Variants in ZNF106 observed in about 807,000 individuals in gnomAD.
ZNF106 encodes SH3-domain binding protein 3.
In ZNF106, 67 loss-of-function variants were observed where a neutral mutation model predicts 195.1. The observed-to-expected ratio is 0.34, with a 90% CI of 0.28 to 0.42. The LOEUF (loss-of-function observed/expected upper bound fraction) is 0.42. ZNF106 is among the 10% of genes least tolerant of loss of function. The pLI is 1.00. For synonymous variants in ZNF106, 784 were observed against 818.6 expected (o/e 0.96, Z 0.72); for missense variants, 2,118 against 2,304.5 (o/e 0.92, Z 1.66).
At chr15:42,437,801 G>A (rs2141310444) in intron 12 of ZNF106, among the ~76,000 whole-genome samples, 1 of 151,758 alleles carries the variant, frequency 6.6e-6, no homozygotes, top group East Asian at 1.9e-4. Flanking sequence ...CAGTTATTTG[G>A]GGAGGCTGAG....
At chr15:42,421,032 C>T (rs1458702235) in intron 20 of ZNF106, 29 bp downstream of exon 20, 1 of 1,608,756 alleles carries the variant, frequency 6.2e-7, no homozygotes, top group Non-Finnish European at 8.5e-7. Flanking sequence ...CTATAGAAGT[C>T]CAGTGACAGG....
At chr15:42,447,965 G>C in intron 6 of ZNF106, 107 bp downstream of exon 6, 1 of 1,284,608 alleles carries the variant, frequency 7.8e-7, no homozygotes, top group Non-Finnish European at 1.1e-6. Flanking sequence ...TAGAAGTTGA[G>C]AGAATCACAA....
chr15:42,463,946 A>T (rs1230264356), intron 3 of ZNF106, among the ~76,000 whole-genome samples: 1 of 152,256 alleles, frequency 6.6e-6, no homozygotes, highest in Non-Finnish European at 1.5e-5. Context: ...GGCTAAAGAG[A>T]TGCTGAAAGT....
intron 18 of ZNF106, 118 bp from the exon 19 acceptor site, chr15:42,422,106 C>T (rs367648372): frequency 2.1e-5 from 15 of 707,332 alleles, no homozygotes; most frequent in South Asian, 3.0e-5. Context: ...GTGGAAGCAC[C>T]AGTAGCATTC....
At chr15:42,424,548 C>T (rs1329342996) in intron 16 of ZNF106, 17 of 359,232 alleles carry the variant, frequency 4.7e-5, no homozygotes, top group Non-Finnish European at 8.7e-5. Flanking sequence ...TACAGTGGCA[C>T]AATCATGGCT....
At chr15:42,433,688 G>T (rs1261045365) in intron 14 of ZNF106, among the ~76,000 whole-genome samples, 1 of 151,064 alleles carries the variant, frequency 6.6e-6, no homozygotes, top group Non-Finnish European at 1.5e-5. Flanking sequence ...TCACCAGGTT[G>T]GCCAGGCTGG....
At chr15:42,468,295 C>T (rs1048209285) in intron 2 of ZNF106, among the ~76,000 whole-genome samples, 1 of 150,902 alleles carries the variant, frequency 6.6e-6, no homozygotes, top group Non-Finnish European at 1.5e-5. Context: ...CCAGGCTGGT[C>T]TCAAACTCCT....
chr15:42,490,385 G>A (rs1020998004), intron 1 of ZNF106: 2 of 152,114 alleles, frequency 1.3e-5, no homozygotes, highest in Admixed American at 6.5e-5. Flanking sequence ...TTCTCAATAA[G>A]ATGCCTTAAT....
chr15:42,422,447 C>A, intron 18 of ZNF106, 54 bp downstream of exon 18: 1 of 1,587,988 alleles, frequency 6.3e-7, no homozygotes, highest in Non-Finnish European at 8.6e-7. Flanking sequence ...ACACTAAACC[C>A]AAATAGACAA....
At chr15:42,480,887 A>C (rs1337682449) in intron 1 of ZNF106, among the ~76,000 whole-genome samples, 2 of 152,182 alleles carry the variant, frequency 1.3e-5, no homozygotes, top group Non-Finnish European at 2.9e-5. Flanking sequence ...TGGGAGGCTA[A>C]GGCAGGAGAA....
In ZNF106 at chr15:42,449,874, T is replaced by A. The variant is rs747362173; in HGVS notation, c.2398A>T (p.Thr800Ser). The A allele has an allele frequency of 6.2e-7, 1 of 1,614,164 alleles. No homozygotes were observed. The highest frequency in any genetic ancestry group is 8.5e-7 in the Non-Finnish European group (1 of 1,180,014). ...ETEKESGLKP[T>S]LRQILNASRR... ...GATGCATTTAGAATCTGCCGTAGGG[T>A]TGGCTTGAGCCCAGACTCCTTCTCT... is the stretch of plus-strand genomic sequence containing the variant. Residue 800 changes from threonine (T) to serine (S), a missense_variant, in exon 5 of 22, where the codon ACC (threonine) becomes TCC (serine). Transcript: ENST00000564754.
At chr15:42,490,303 T>C (rs1567038128) in intron 1 of ZNF106, 1 of 152,076 alleles carries the variant, frequency 6.6e-6, no homozygotes, top group Non-Finnish European at 1.5e-5. Context: ...CAGCACTTAT[T>C]TGCTAGGTAA....
chr15:42,412,950 G>A lies in ZNF106; in HGVS notation c.*4354C>T, dbSNP rs933874784. 6.6e-6 allele frequency: 1 copy of A among 152,126 alleles called. No homozygotes were observed. Among genetic ancestry groups the A allele is most frequent in the African/African-American group, 2.4e-5 (1 of 41,400 alleles). 9.4% of individuals were successfully genotyped at this position (152,126 alleles called of 1,614,324 possible). A position where few individuals can be genotyped will look rare whatever the true frequency, so the allele number is the denominator to read the frequency against. On this transcript the variant is annotated 3_prime_UTR_variant, in exon 22 of 22. Transcript: ENST00000564754. ...TTGCTTATAAACATTTTTGCAGTCA[G>A]GTGTCATCTGATTTCATTCTTCTAA...
intron 9 of ZNF106, among the ~76,000 whole-genome samples, chr15:42,442,917 G>A (rs142749527): frequency 0.014 from 2,161 of 152,152 alleles, 23 homozygotes; most frequent in Middle Eastern, 0.041. Context: ...CTGAGTAGCT[G>A]GGATTACAGG....
intron 3 of ZNF106, among the ~76,000 whole-genome samples, chr15:42,463,454 G>A (rs2056439674): frequency 6.6e-6 from 1 of 151,998 alleles, no homozygotes; most frequent in Non-Finnish European, 1.5e-5. Context: ...CCACCACTTT[G>A]GAAGGCAGAG....
At chr15:42,481,401 A>G (rs1595499034) in intron 1 of ZNF106, among the ~76,000 whole-genome samples, 1 of 130,060 alleles carries the variant, frequency 7.7e-6, no homozygotes, top group African/African-American at 2.9e-5. Context: ...TCTGTCACCC[A>G]GGCTGGAGTG....
At position 42,446,453 on chromosome 15, in the gene ZNF106, A is replaced by G. The variant is rs12440261; in HGVS notation, c.3205+136T>C. 448 of 693,322 alleles carry G rather than the reference A, an allele frequency of 6.5e-4. 1 individual carries two copies. Among genetic ancestry groups the G allele is most frequent in the South Asian group, 9.1e-4 (55 of 60,652 alleles). 42.9% of individuals were successfully genotyped at this position (693,322 alleles called of 1,614,324 possible). On this transcript the variant is annotated intron_variant, in intron 7 of 21. Transcript: ENST00000564754. The stretch of plus-strand genomic sequence containing the variant: ...AAGAATTAATGTAGTGTCACATACC[A>G]GTAGTCCTAGCTGCTCGGGAGGCTG...
At position 42,417,302 on chromosome 15, in the gene ZNF106, C is replaced by T. The variant is rs1199243127; in HGVS notation, c.*2G>A. 1 of 1,614,002 alleles carries T rather than the reference C, an allele frequency of 6.2e-7. No individual in the cohort carries two copies. Among genetic ancestry groups the T allele is most frequent in the Non-Finnish European group, 8.5e-7 (1 of 1,179,964 alleles). The stretch of plus-strand genomic sequence containing the variant: ...ACTTCCCAACGTGGGAGGCAAAAAA[C>T]TTCATGAATCAATTTTGCTGTCATC... On this transcript the variant is annotated 3_prime_UTR_variant, in exon 22 of 22. Transcript: ENST00000564754.
chr15:42,459,958 G>A (rs1001769413), intron 3 of ZNF106, among the ~76,000 whole-genome samples: 3 of 151,350 alleles, frequency 2.0e-5, no homozygotes, highest in Admixed American at 6.6e-5. Context: ...CAGGAGAATC[G>A]CTTGAACCTG....
Sources: allele counts gnomAD v4.1 joint callset (sites outside exome capture counted in the v4.1 genomes callset), GRCh38; gene constraint gnomAD v4.1.1; transcripts MANE v1.5; gene names NCBI Gene and HGNC (gene_info 2026-07-23, HGNC 2026-07-21).